VWDE: variants seen among roughly 807,000 people sequenced by gnomAD.
VWDE encodes the protein von Willebrand factor D and EGF domains.
Under a neutral mutation model 178.4 loss-of-function variants are expected in VWDE, and 207 were observed. That is an observed-to-expected ratio of 1.16 (90% CI 1.04 to 1.30). The LOEUF (loss-of-function observed/expected upper bound fraction) is 1.30, where lower values mean the gene tolerates loss of function less well. Ranked by LOEUF, VWDE falls within the 50% of genes most tolerant of loss-of-function variation. The pLI is 0.00. For missense variants in VWDE, 2,287 were observed against 1,901.3 expected, an observed-to-expected ratio of 1.20 and a Z score of -3.77; for synonymous variants, 738 against 651.4, an observed-to-expected ratio of 1.13 and a Z score of -2.02.
chr7:12,380,600 T>A lies in VWDE; in HGVS notation c.675A>T (p.Ile225=). The change falls in exon 5 of 29, where the codon ATA becomes ATT. Residue 225 remains isoleucine, a synonymous_variant. Coordinates refer to ENST00000275358, the MANE Select transcript of VWDE (RefSeq NM_001135924.3). ...CTTGAGAAGAAAGCCTAGACCAAGC[T>A]ATGTGAAATCCCACTGAGTTTTTTG... The part of the protein sequence containing the change: ...PATKNSVGFH[I]AWSRLSSQEV... 3 of 1,552,324 alleles carry A rather than the reference T, an allele frequency of 1.9e-6. No homozygotes were observed. In the South Asian group the frequency reaches 3.6e-5, roughly 18 times the overall value.
chr7:12,353,348 T>G (rs1782049354), intron 18 of VWDE, among the ~76,000 whole-genome samples: 1 of 152,186 alleles, frequency 6.6e-6, no homozygotes. Context: ...CCTTATAACC[T>G]CATTTAACCT....
At chr7:12,348,311 T>G (rs986458129) in intron 19 of VWDE, among the ~76,000 whole-genome samples, 23 of 149,012 alleles carry the variant, frequency 1.5e-4, no homozygotes, top group Non-Finnish European at 3.1e-4. Flanking sequence ...GGAGAAAATT[T>G]TTGCAACCTA....
At chr7:12,366,042 G>A (rs1277700388) in intron 13 of VWDE, among the ~76,000 whole-genome samples, 1 of 152,018 alleles carries the variant, frequency 6.6e-6, no homozygotes, top group Admixed American at 6.6e-5. Context: ...TGGTTTAAAA[G>A]TGGCAGCGTC....
intron 10 of VWDE, 117 bp from the exon 11 acceptor site, chr7:12,370,981 A>C: frequency 1.2e-6 from 1 of 825,624 alleles, no homozygotes; most frequent in Non-Finnish European, 1.7e-6. Flanking sequence ...ATAAAAAAAG[A>C]ATAAAATACT....
rs117821632 is a variant in VWDE at position 12,386,561 on chromosome 7, A to C, written c.475+2566T>G. 2.3e-3 allele frequency among the ~76,000 whole-genome samples: 353 copies of C among 152,016 alleles called. 11 individuals are homozygous for C. In the East Asian group the frequency reaches 0.057, roughly 25 times the overall value. On this transcript the variant is annotated intron_variant, in intron 3 of 28. Coordinates refer to ENST00000275358, the MANE Select transcript of VWDE (RefSeq NM_001135924.3). ...GATCTAATATTTCTGTCTGGCTTTC[A>C]CTCTTGTGAGTACAACATACTCTTA... is the stretch of plus-strand genomic sequence containing the variant.
intron 18 of VWDE, among the ~76,000 whole-genome samples, chr7:12,355,751 G>A (rs1326479298): frequency 6.6e-6 from 1 of 152,000 alleles, no homozygotes; most frequent in Admixed American, 6.6e-5. Flanking sequence ...CCTCTCTTAA[G>A]TGATAACTTT....
intron 13 of VWDE, among the ~76,000 whole-genome samples, chr7:12,365,889 G>A (rs781220453): frequency 1.3e-5 from 2 of 152,034 alleles, no homozygotes; most frequent in Non-Finnish European, 2.9e-5. Flanking sequence ...ATTTGGTTTG[G>A]CTCTGTGTCT....
chr7:12,380,175 G>A (rs1159255624), intron 5 of VWDE, among the ~76,000 whole-genome samples: 2 of 151,416 alleles, frequency 1.3e-5, no homozygotes, highest in African/African-American at 4.8e-5. Flanking sequence ...TAGAATAAAC[G>A]TATATAATTT....
At chr7:12,378,143 T>G (rs1410109082) in intron 6 of VWDE, among the ~76,000 whole-genome samples, 2 of 152,174 alleles carry the variant, frequency 1.3e-5, no homozygotes, top group African/African-American at 4.8e-5. Flanking sequence ...TTGACTCACT[T>G]TGGTTCCCCA....
Position 12,361,178 on chromosome 7 carries a change from C to G in VWDE, c.3128G>C (p.Gly1043Ala), listed in dbSNP as rs1255917745. Residue 1043 changes from glycine to alanine, a missense_variant, in exon 15 of 29, where the codon GGT becomes GCT. Gly to Ala is a moderately conservative substitution (Grantham distance 60). Transcript: ENST00000275358. ...VIYDGACQVC[G>A]LYKNDSCTIK... ...AGTACATGAGTCATTTTTATAGAGA[C>G]CACAAACTTGGCAAGCACCATCATA... 1 of 1,545,382 alleles carries G rather than the reference C, an allele frequency of 6.5e-7. No homozygotes were observed. Among genetic ancestry groups the G allele is most frequent in the East Asian group, 2.5e-5 (1 of 40,748 alleles).
rs1283882448 is a variant in VWDE, at chr7:12,380,495, A to C, written c.780T>G (p.Leu260=). 4 of 1,551,432 alleles carry C rather than the reference A, an allele frequency of 2.6e-6. No individual in the cohort carries two copies. Among genetic ancestry groups the C allele is most frequent in the Non-Finnish European group, 3.5e-6 (4 of 1,146,960 alleles). Residue 260 remains leucine, a synonymous_variant, in exon 5 of 29, where the codon CTT becomes CTG. Transcript: ENST00000275358. ...LLELDGINLR[L]GDRIFCSASV... is the part of the protein sequence containing the mutation. ...CTGTTTTTTAACATACCCTGTCTCC[A>C]AGTCTGAGATTTATGCCATCAAGTT...
chr7:12,341,360 G>A (rs959585808), intron 23 of VWDE, among the ~76,000 whole-genome samples: 5 of 152,132 alleles, frequency 3.3e-5, no homozygotes, highest in Non-Finnish European at 7.4e-5. Context: ...TACGCCGGGC[G>A]CAGTGGCTCA....
At chr7:12,361,705 T>C (rs1387869742) in intron 13 of VWDE, among the ~76,000 whole-genome samples, 184 bp from the exon 14 acceptor site, 2 of 152,132 alleles carry the variant, frequency 1.3e-5, no homozygotes, top group African/African-American at 2.4e-5. Context: ...ATATATATGT[T>C]AATATGATGC....
At chr7:12,372,096 A>G (rs551147102) in intron 10 of VWDE, among the ~76,000 whole-genome samples, 2 of 152,126 alleles carry the variant, frequency 1.3e-5, no homozygotes, top group African/African-American at 4.8e-5. Context: ...TATCTATTTG[A>G]CTGCTAACGA....
At chr7:12,399,156 T>C (rs1488214437) in intron 1 of VWDE, among the ~76,000 whole-genome samples, 3 of 152,168 alleles carry the variant, frequency 2.0e-5, no homozygotes, top group South Asian at 4.1e-4. Flanking sequence ...TCACTTTACA[T>C]TGGCTTTCTT....
Position 12,344,365 on chromosome 7 carries a change from G to A in VWDE, c.3982+9C>T. ...TTTATCATGCAAACTAATGAATGAT[G>A]TTACCTACCAGTTTGGCAGTTAGAA... On this transcript the variant is annotated intron_variant, in intron 20 of 28. Coordinates refer to ENST00000275358, the MANE Select transcript of VWDE (RefSeq NM_001135924.3). 2 of 1,550,250 alleles carry A rather than the reference G, an allele frequency of 1.3e-6. No homozygotes were observed. Among genetic ancestry groups the A allele is most frequent in the Non-Finnish European group, 1.7e-6 (2 of 1,146,038 alleles).
intron 19 of VWDE, among the ~76,000 whole-genome samples, chr7:12,349,902 T>C (rs1400668383): frequency 6.6e-6 from 1 of 151,960 alleles, no homozygotes; most frequent in Non-Finnish European, 1.5e-5. Context: ...TATACAAGAA[T>C]TTGAAATCTA....
Position 12,348,993 on chromosome 7 carries a change from A to G in VWDE, c.3886+2580T>C, listed in dbSNP as rs963881662. The stretch of plus-strand genomic sequence containing the variant: ...TCGCAAGAACAAAAAACCAAACACC[A>G]CATATTCTCACTCATAGGTGGGAAC... On this transcript the variant is annotated intron_variant, in intron 19 of 28. Transcript: ENST00000275358. Among the ~76,000 whole-genome samples, 635 of 152,080 alleles carry G rather than the reference A, an allele frequency of 4.2e-3. 1 individual carries two copies. Among genetic ancestry groups the G allele is most frequent in the African/African-American group, 0.014 (600 of 41,456 alleles).
At chr7:12,350,854 A>G (rs1781892130) in intron 19 of VWDE, among the ~76,000 whole-genome samples, 1 of 152,166 alleles carries the variant, frequency 6.6e-6, no homozygotes, top group Non-Finnish European at 1.5e-5. Context: ...TTATAAGTAT[A>G]AATTAAATCT....
Sources: allele counts gnomAD v4.1 joint callset (sites outside exome capture counted in the v4.1 genomes callset), GRCh38; gene constraint gnomAD v4.1.1; transcripts MANE v1.5; gene names NCBI Gene and HGNC (gene_info 2026-07-23, HGNC 2026-07-21).